The following NTRK3 variants were observed in gnomAD, a reference collection of about 807,000 sequenced individuals.
NTRK3 encodes NT-3 growth factor receptor.
In NTRK3, 24 loss-of-function variants were observed where a neutral mutation model predicts 91.7. That is an observed-to-expected ratio of 0.26 (90% CI 0.19 to 0.37). The LOEUF (loss-of-function observed/expected upper bound fraction) is 0.37, where lower values mean the gene tolerates loss of function less well. Among genes scored for constraint, NTRK3 ranks in the 10% least tolerant of loss-of-function variants. The probability of loss-of-function intolerance (pLI) is 1.00; values close to 1 mark genes in which losing one functional copy is unlikely to be tolerated. For synonymous variants in NTRK3, 483 were observed against 404.0 expected, an observed-to-expected ratio of 1.20 and a Z score of -2.34; for missense variants, 880 against 1,068.9, an observed-to-expected ratio of 0.82 and a Z score of 2.46.
In NTRK3 at chr15:87,936,855, T is replaced by A. The variant is rs2069332448; in HGVS notation, c.1717-3671A>T. 2.6e-5 allele frequency among the ~76,000 whole-genome samples: 4 copies of A among 152,224 alleles called. No homozygotes were observed. In the South Asian group the frequency reaches 8.3e-4, roughly 32 times the overall value. ...GGTGCCCCTCTCTTATCTGTCTTCC[T>A]GGCTTAAAACTGGCCATTGGCTTCC... On this transcript the variant is annotated intron_variant, in intron 15 of 18. Transcript: ENST00000394480.
intron 5 of NTRK3, among the ~76,000 whole-genome samples, chr15:88,175,630 C>T (rs141066860): frequency 1.4e-3 from 210 of 152,152 alleles, no homozygotes; most frequent in African/African-American, 4.8e-3. Context: ...TATATTTGTA[C>T]GTTCCAATTT....
At chr15:88,123,471 G>A (rs2052954435) in intron 13 of NTRK3, among the ~76,000 whole-genome samples, 1 of 152,212 alleles carries the variant, frequency 6.6e-6, no homozygotes, top group Non-Finnish European at 1.5e-5. Flanking sequence ...AAGATCAAAG[G>A]TTAATGCAGC....
chr15:87,876,467 A>T (rs955333145), exon 19 of NTRK3: 1 of 226,242 alleles, frequency 4.4e-6, no homozygotes, highest in African/African-American at 2.3e-5. Context: ...CACCACCTTA[A>T]CTCCTCCCGT....
intron 3 of NTRK3, among the ~76,000 whole-genome samples, chr15:88,207,064 G>A (rs2048857938): frequency 6.6e-6 from 1 of 152,170 alleles, no homozygotes; most frequent in Admixed American, 6.5e-5. Context: ...CTGGCTTAGC[G>A]TCTAGCTCCG....
intron 3 of NTRK3, among the ~76,000 whole-genome samples, chr15:88,242,812 C>A (rs2141908758): frequency 1.3e-5 from 2 of 152,358 alleles, no homozygotes; most frequent in Admixed American, 1.3e-4. Flanking sequence ...GGCCAGACAC[C>A]TGGGCACCCC....
At chr15:87,938,502 G>A (rs888727281) in intron 15 of NTRK3, among the ~76,000 whole-genome samples, 2 of 152,168 alleles carry the variant, frequency 1.3e-5, no homozygotes, top group East Asian at 1.9e-4. Flanking sequence ...AGTGACACGT[G>A]TAAAATCCCA....
intron 5 of NTRK3, among the ~76,000 whole-genome samples, chr15:88,176,133 C>CT (rs1167029194): frequency 1.0e-4 from 12 of 115,638 alleles, no homozygotes; most frequent in South Asian, 9.0e-4. Context: ...CTATATGCCC[C>CT]TTCTTTTTTT....
At chr15:88,232,493 A>G (rs1401296478) in intron 3 of NTRK3, among the ~76,000 whole-genome samples, 1 of 152,210 alleles carries the variant, frequency 6.6e-6, no homozygotes, top group Non-Finnish European at 1.5e-5. Context: ...GACTGGCTTA[A>G]CTTGGCTTGA....
rs146886603 is a variant in NTRK3, at chr15:88,052,238, A to G, written c.1397-19193T>C. ...ACAGGAGGTAGCCTGCACTCAACAC[A>G]GGGATCCATCACCCCCTATCACGTC... On this transcript the variant is annotated intron_variant, in intron 13 of 18. Coordinates refer to ENST00000394480, the Ensembl canonical transcript of NTRK3. 9.6e-4 allele frequency among the ~76,000 whole-genome samples: 146 copies of G among 152,368 alleles called. 3 individuals carry two copies. The East Asian group carries it at 0.024, about 25-fold the overall frequency.
Position 88,187,318 on chromosome 15 carries a change from C to T in NTRK3, c.249-3019G>A, listed in dbSNP as rs371687737. On this transcript the variant is annotated intron_variant, in intron 3 of 18. Transcript: ENST00000394480. ...ATAGATGCCACATCAGAGCAGGTTC[C>T]GAGGAAGAGCAAGAGGATGAAGATG... 6.6e-5 allele frequency among the ~76,000 whole-genome samples: 10 copies of T among 152,146 alleles called. No homozygotes were observed. The South Asian group carries it at 1.7e-3, about 25-fold the overall frequency.
intron 14 of NTRK3, among the ~76,000 whole-genome samples, chr15:87,986,752 G>T (rs1204373769): frequency 6.6e-6 from 1 of 152,166 alleles, no homozygotes; most frequent in Non-Finnish European, 1.5e-5. Flanking sequence ...ACACATATCT[G>T]TATGCACATG....
chr15:88,213,405 AACAGGGGG>A (rs1169460170), intron 3 of NTRK3, among the ~76,000 whole-genome samples: 1 of 152,178 alleles, frequency 6.6e-6, no homozygotes, highest in African/African-American at 2.4e-5. Context: ...ATGAAAGAGG[AACAGGGGG>A]ACAAGCTGCC....
intron 13 of NTRK3, among the ~76,000 whole-genome samples, chr15:88,112,062 A>G (rs1258832709): frequency 3.3e-5 from 5 of 151,674 alleles, no homozygotes; most frequent in Admixed American, 6.6e-5. Context: ...ACCCGCCACC[A>G]CGCCCAGCTA....
intron 17 of NTRK3, among the ~76,000 whole-genome samples, chr15:87,886,358 G>A (rs1179808406): frequency 2.0e-5 from 3 of 151,800 alleles, no homozygotes; most frequent in Non-Finnish European, 4.4e-5. Context: ...CTGAGTTAAA[G>A]GTGTTTATTT....
rs1105603 is a variant in NTRK3 at position 88,168,877 on chromosome 15, G to C, written c.395+14541C>G. On this transcript the variant is annotated intron_variant, in intron 5 of 18. Coordinates refer to ENST00000394480, the Ensembl canonical transcript of NTRK3. ...CAAAGGCAGCAGCCTACTTTCTATTGTCATGTAGTTCAGGCCAACTCACTG... is the reference window on the plus strand; with the variant it reads ...CAAAGGCAGCAGCCTACTTTCTATTCTCATGTAGTTCAGGCCAACTCACTG... Among the ~76,000 whole-genome samples, 1,262 of 152,356 alleles carry C rather than the reference G, an allele frequency of 8.3e-3. 18 individuals are homozygous for C. The highest frequency in any genetic ancestry group is 0.029 in the African/African-American group (1,194 of 41,588).
intron 13 of NTRK3, among the ~76,000 whole-genome samples, chr15:88,100,163 C>G (rs542324612): frequency 6.6e-6 from 1 of 152,302 alleles, no homozygotes; most frequent in African/African-American, 2.4e-5. Context: ...CAGTGCTGGC[C>G]ACCTTTCAGA....
At chr15:87,879,614 T>G (rs1031555421) in intron 18 of NTRK3, among the ~76,000 whole-genome samples, 11 of 152,208 alleles carry the variant, frequency 7.2e-5, no homozygotes, top group African/African-American at 1.9e-4. Context: ...AGAGCTAACA[T>G]GCTTAGAAAA....
At chr15:87,896,437 C>T (rs534844815) in intron 17 of NTRK3, among the ~76,000 whole-genome samples, 1 of 148,718 alleles carries the variant, frequency 6.7e-6, no homozygotes, top group Admixed American at 6.7e-5. Flanking sequence ...CACCACTGCA[C>T]TCCAGCCTGG....
At chr15:88,100,289 G>A (rs199629046) in intron 13 of NTRK3, among the ~76,000 whole-genome samples, 2 of 152,182 alleles carry the variant, frequency 1.3e-5, no homozygotes, top group South Asian at 4.1e-4. Flanking sequence ...TATTACAAGT[G>A]TGTTATAACC....
Sources: gnomAD v4.1 joint callset for allele counts (sites outside exome capture counted in the v4.1 genomes callset) on GRCh38, gnomAD v4.1.1 for gene constraint, MANE v1.5 for transcripts, NCBI Gene and HGNC (gene_info 2026-07-23, HGNC 2026-07-21) for gene names.